Variants in UNC5C observed in about 807,000 individuals in gnomAD.
UNC5C encodes the protein netrin receptor UNC5C.
A neutral mutation model predicts 99.8 loss-of-function variants in UNC5C; 47 were observed. The ratio of observed to expected loss-of-function variants is 0.47; its 90% CI spans 0.37 to 0.60. UNC5C has a LOEUF of 0.60. UNC5C is among the 20% of genes least tolerant of loss of function. The pLI, the probability that UNC5C is intolerant of heterozygous loss-of-function variation, is 0.00. For missense variants in UNC5C, 1,062 were observed against 1,165.9 expected, an observed-to-expected ratio of 0.91 and a Z score of 1.30; for synonymous variants, 487 against 452.2, an observed-to-expected ratio of 1.08 and a Z score of -0.98.
chr4:95,423,220 C>T (rs763701444), intron 1 of UNC5C, among the ~76,000 whole-genome samples: 115 of 152,276 alleles, frequency 7.6e-4, no homozygotes, highest in Middle Eastern at 3.4e-3. Flanking sequence ...AGGAATTTCT[C>T]TCTGGGAATT....
chr4:95,514,142 C>T (rs765514691), intron 1 of UNC5C, among the ~76,000 whole-genome samples: 1 of 152,082 alleles, frequency 6.6e-6, no homozygotes, highest in African/African-American at 2.4e-5. Flanking sequence ...TTCCACAGAA[C>T]ATGTTCATAC....
At chr4:95,227,278 T>C (rs1174610533) in intron 7 of UNC5C, among the ~76,000 whole-genome samples, 1 of 151,872 alleles carries the variant, frequency 6.6e-6, no homozygotes, top group East Asian at 1.9e-4. Context: ...GCCTCTCAAG[T>C]AGCTGGGACC....
intron 4 of UNC5C, among the ~76,000 whole-genome samples, chr4:95,267,813 T>G (rs1305557394): frequency 1.3e-5 from 2 of 152,164 alleles, no homozygotes; most frequent in Non-Finnish European, 2.9e-5. Flanking sequence ...AAAATCATTT[T>G]TTCCCCATCA....
chr4:95,178,336 G>A (rs975412068), intron 14 of UNC5C, among the ~76,000 whole-genome samples: 3 of 152,218 alleles, frequency 2.0e-5, no homozygotes, highest in Admixed American at 1.3e-4. Flanking sequence ...CCCCCTGGGC[G>A]AGCATACCCT....
chr4:95,201,689 T>A (rs533983828), intron 12 of UNC5C, among the ~76,000 whole-genome samples: 1 of 151,918 alleles, frequency 6.6e-6, no homozygotes, highest in Non-Finnish European at 1.5e-5. Context: ...CTGCAACCTC[T>A]GCCTCCCCAG....
chr4:95,383,666 T>TTC (rs1383268285), intron 1 of UNC5C, among the ~76,000 whole-genome samples: 6 of 152,204 alleles, frequency 3.9e-5, no homozygotes, highest in Non-Finnish European at 7.4e-5. Flanking sequence ...GTTTACTTTT[T>TTC]ATTCAATATG....
chr4:95,260,975 C>T (rs1187907476), intron 4 of UNC5C, among the ~76,000 whole-genome samples: 2 of 152,112 alleles, frequency 1.3e-5, no homozygotes, highest in Non-Finnish European at 2.9e-5. Flanking sequence ...GAATGATGCT[C>T]ACAGAGAAGA....
intron 7 of UNC5C, among the ~76,000 whole-genome samples, chr4:95,234,310 GT>G (rs1739020793): frequency 6.6e-6 from 1 of 151,616 alleles, no homozygotes; most frequent in African/African-American, 2.4e-5. Context: ...TGTTATTAAT[GT>G]TAAGTTTTTT....
chr4:95,454,529 C>T (rs946474939), intron 1 of UNC5C, among the ~76,000 whole-genome samples: 2 of 152,008 alleles, frequency 1.3e-5, no homozygotes, highest in Admixed American at 6.6e-5. Flanking sequence ...TTTAATGATG[C>T]AAGCAATTTT....
rs539722823 is a variant in UNC5C, at chr4:95,347,079, G to A, written c.125-11448C>T. On this transcript the variant is annotated intron_variant, in intron 1 of 15. Coordinates refer to ENST00000453304, the MANE Select transcript of UNC5C (RefSeq NM_003728.4). ...AAATTCAGTAAAGTTGCAGGATACA[G>A]GGTCAACATACAAAAATCGGTAGCA... Among the ~76,000 whole-genome samples, 41 of 151,944 alleles carry A rather than the reference G, an allele frequency of 2.7e-4. 1 individual carries two copies. Among genetic ancestry groups the A allele is most frequent in the Admixed American group, 2.7e-3 (41 of 15,238 alleles).
At chr4:95,288,899 T>C (rs542623349) in intron 3 of UNC5C, among the ~76,000 whole-genome samples, 27 of 91,204 alleles carry the variant, frequency 3.0e-4, no homozygotes, top group African/African-American at 1.8e-3. Flanking sequence ...AGATCCTTTT[T>C]CCACATAAGG....
intron 1 of UNC5C, among the ~76,000 whole-genome samples, chr4:95,500,460 A>C (rs960439077): frequency 6.6e-6 from 1 of 151,848 alleles, no homozygotes; most frequent in Non-Finnish European, 1.5e-5. Context: ...TTCCCAAAAA[A>C]CTCTGCCTGC....
intron 1 of UNC5C, among the ~76,000 whole-genome samples, chr4:95,472,395 T>C (rs1488550087): frequency 6.6e-6 from 1 of 152,142 alleles, no homozygotes; most frequent in African/African-American, 2.4e-5. Context: ...GGTATGAGGA[T>C]CATGAGGGGG....
chr4:95,501,024 T>G (rs892060827), intron 1 of UNC5C, among the ~76,000 whole-genome samples: 1 of 152,132 alleles, frequency 6.6e-6, no homozygotes, highest in African/African-American at 2.4e-5. Flanking sequence ...TGTGTGTTAA[T>G]AAATATTTGT....
At chr4:95,358,223 T>C (rs2149433382) in intron 1 of UNC5C, among the ~76,000 whole-genome samples, 1 of 152,304 alleles carries the variant, frequency 6.6e-6, no homozygotes, top group South Asian at 2.1e-4. Context: ...AGTTTCTACC[T>C]TTAGCTTAAA....
chr4:95,280,150 A>G, intron 3 of UNC5C, among the ~76,000 whole-genome samples: 1 of 152,104 alleles, frequency 6.6e-6, no homozygotes, highest in East Asian at 1.9e-4. Flanking sequence ...CGCAAGGTAT[A>G]TCCCTAATAG....
intron 2 of UNC5C, among the ~76,000 whole-genome samples, chr4:95,325,015 G>A (rs1742835067): frequency 2.0e-5 from 3 of 152,140 alleles, no homozygotes. Flanking sequence ...TTGTTTTCTT[G>A]TTTTCCAAAA....
intron 1 of UNC5C, among the ~76,000 whole-genome samples, chr4:95,499,323 C>G (rs563793278): frequency 7.2e-5 from 11 of 152,154 alleles, no homozygotes; most frequent in African/African-American, 2.6e-4. Flanking sequence ...CAGCCCCTGC[C>G]CTGTCTTTAT....
chr4:95,183,761 C>T (rs1014181265), intron 13 of UNC5C, among the ~76,000 whole-genome samples: 5 of 152,152 alleles, frequency 3.3e-5, no homozygotes, highest in African/African-American at 9.7e-5. Context: ...GCAGTGGCTT[C>T]GGAGCCAAAT....
Sources: allele counts gnomAD v4.1 joint callset (sites outside exome capture counted in the v4.1 genomes callset), GRCh38; gene constraint gnomAD v4.1.1; transcripts MANE v1.5; gene names NCBI Gene and HGNC (gene_info 2026-07-23, HGNC 2026-07-21).